SLC9A1: variants seen among roughly 807,000 people sequenced by gnomAD.
SLC9A1 encodes sodium/hydrogen exchanger 1.
In SLC9A1, 22 loss-of-function variants were observed where a neutral mutation model predicts 67.9. That is an observed-to-expected ratio of 0.32 (90% confidence interval 0.23 to 0.46). The LOEUF (loss-of-function observed/expected upper bound fraction) is 0.46, where lower values mean the gene tolerates loss of function less well. Among genes scored for constraint, SLC9A1 ranks in the 20% least tolerant of loss-of-function variants. SLC9A1 has a pLI of 1.00. For missense variants in SLC9A1, 686 were observed against 1,094.8 expected (o/e 0.63, Z 5.27); for synonymous variants, 421 against 471.8 (o/e 0.89, Z 1.40).
chr1:27,132,785 A>T (rs1379373129), intron 1 of SLC9A1, among the ~76,000 whole-genome samples: 1 of 152,184 alleles, frequency 6.6e-6, no homozygotes, highest in Non-Finnish European at 1.5e-5. Context: ...CCCTAGGCCA[A>T]CAGGGCACTT....
intron 1 of SLC9A1, among the ~76,000 whole-genome samples, chr1:27,148,354 C>T (rs907332772): frequency 3.9e-5 from 6 of 152,128 alleles, no homozygotes; most frequent in Non-Finnish European, 7.4e-5. Context: ...AGGCTCCAGA[C>T]CACCCAGACC....
At chr1:27,145,168 T>C (rs2083477431) in intron 1 of SLC9A1, among the ~76,000 whole-genome samples, 1 of 151,922 alleles carries the variant, frequency 6.6e-6, no homozygotes, top group Non-Finnish European at 1.5e-5. Context: ...AGCCTGCTTA[T>C]CTAATTCCTT....
In SLC9A1 at chr1:27,109,607, G is replaced by A. The variant is rs543829058; in HGVS notation, c.984C>T (p.Val328=). Residue 328 remains valine, a synonymous_variant, in exon 3 of 12, where the codon GTC becomes GTT. Transcript: ENST00000263980. This position sits in a 1 kb window ranked among gnomAD's most constrained non-coding sequence, Gnocchi z 5.5. ...AGAGGAAGACGAAGAGCGGCTCGAT[G>A]ACCCGGATGTGGGAGGTAAATCGGG... is the stretch of plus-strand genomic sequence containing the variant. ...FTSRFTSHIR[V]IEPLFVFLYS... The A allele has an allele frequency of 6.2e-7, 1 of 1,613,928 alleles. No homozygotes were observed. The highest frequency in any genetic ancestry group is 1.3e-5 in the African/African-American group (1 of 75,038).
intron 1 of SLC9A1, among the ~76,000 whole-genome samples, chr1:27,144,649 C>T (rs1483648715): frequency 2.0e-5 from 3 of 152,222 alleles, no homozygotes; most frequent in Admixed American, 6.5e-5. Flanking sequence ...AAGTCAATCA[C>T]ATATTCATTC....
chr1:27,118,135 G>C lies in SLC9A1; in HGVS notation c.353-3849C>G, dbSNP rs2083283673. On this transcript the variant is annotated intron_variant, in intron 1 of 11. Coordinates refer to ENST00000263980, the MANE Select transcript of SLC9A1 (RefSeq NM_003047.5). The surrounding 1 kb of genome is among the most constrained non-coding windows in gnomAD (Gnocchi z 4.3). The stretch of plus-strand genomic sequence containing the variant: ...CTTCAGCCAGCTCCAGAGTACCTGG[G>C]GCTGGAGCCATGTTCCTGGAGCTGG... Among the ~76,000 whole-genome samples, 2 of 152,172 alleles carry C rather than the reference G, an allele frequency of 1.3e-5. No homozygotes were observed. The highest frequency in any genetic ancestry group is 6.5e-5 in the Admixed American group (1 of 15,284).
chr1:27,107,606 C>G (rs1263936793), intron 4 of SLC9A1, 42 bp downstream of exon 4: 6 of 1,454,862 alleles, frequency 4.1e-6, no homozygotes, highest in South Asian at 1.2e-5. Context: ...CCACACACAC[C>G]CCACACCACA....
chr1:27,103,594 G>C (rs2083162972), intron 5 of SLC9A1: 1 of 481,568 alleles, frequency 2.1e-6, no homozygotes. Flanking sequence ...CCTGGGTTCA[G>C]ATGTGGACTG....
Position 27,109,026 on chromosome 1 carries a change from A to G in SLC9A1, c.1064+501T>C, listed in dbSNP as rs751444574. On this transcript the variant is annotated intron_variant, in intron 3 of 11. Transcript: ENST00000263980. The surrounding 1 kb of genome is among the most constrained non-coding windows in gnomAD (Gnocchi z 5.5). ...CCAGTTCTGCCTTGCTCGGCACTGG[A>G]ACACCTTCACCCCTCACTGCCTCCC... Among the ~76,000 whole-genome samples, 10 of 151,954 alleles carry G rather than the reference A, an allele frequency of 6.6e-5. No individual in the cohort carries two copies. The highest frequency in any genetic ancestry group is 1.2e-4 in the Non-Finnish European group (8 of 67,964).
At chr1:27,107,190 CCA>C (rs1193233144) in intron 4 of SLC9A1, among the ~76,000 whole-genome samples, 9 of 236 alleles carry the variant, frequency 0.038, no homozygotes, top group Non-Finnish European at 0.042. Flanking sequence ...CACAGCCCCT[CCA>C]CACACACACA....
rs1027739360 is a variant in SLC9A1, at chr1:27,099,977, A to G, written c.*330T>C. On this transcript the variant is annotated 3_prime_UTR_variant, in exon 12 of 12. Coordinates refer to ENST00000263980, the MANE Select transcript of SLC9A1 (RefSeq NM_003047.5). Reference sequence around the variant, plus strand: ...TTGGTTAGAAACTAAGATTGGTCTGAATGAGGAGGAGGATGAGGCAGAGGG... The same window carrying G: ...TTGGTTAGAAACTAAGATTGGTCTGGATGAGGAGGAGGATGAGGCAGAGGG... 1.3e-5 allele frequency: 4 copies of G among 314,296 alleles called. No homozygotes were observed. Among genetic ancestry groups the G allele is most frequent in the Non-Finnish European group, 2.3e-5 (4 of 171,146 alleles). The allele number at this position is 314,296 out of a possible 1,614,324, so 19.5% of individuals were successfully genotyped here. A position where few individuals can be genotyped will look rare whatever the true frequency, so the allele number is the denominator to read the frequency against.
intron 1 of SLC9A1, among the ~76,000 whole-genome samples, chr1:27,139,532 T>C (rs921256507): frequency 3.9e-5 from 6 of 152,310 alleles, no homozygotes; most frequent in South Asian, 2.1e-4. Context: ...AGGGTCTCAG[T>C]AAGTGGTAGG....
chr1:27,109,411 C>G lies in SLC9A1; in HGVS notation c.1064+116G>C. On this transcript the variant is annotated intron_variant, in intron 3 of 11. Coordinates refer to ENST00000263980, the MANE Select transcript of SLC9A1 (RefSeq NM_003047.5). The surrounding 1 kb of genome is among the most constrained non-coding windows in gnomAD (Gnocchi z 5.5). ...TGGAGCCTGGAGTTCATGTCTCATCCCTGGAGCTCAAGGCTGGGCCCTGGG... is the reference window on the plus strand; with the variant it reads ...TGGAGCCTGGAGTTCATGTCTCATCGCTGGAGCTCAAGGCTGGGCCCTGGG... 4 of 1,140,208 alleles carry G rather than the reference C, an allele frequency of 3.5e-6. No homozygotes were observed. Among genetic ancestry groups the G allele is most frequent in the Non-Finnish European group, 5.1e-6 (4 of 782,842 alleles). 70.6% of individuals were successfully genotyped at this position (1,140,208 alleles called of 1,614,324 possible). A position where few individuals can be genotyped will look rare whatever the true frequency, so the allele number is the denominator to read the frequency against.
At position 27,100,871 on chromosome 1, in the gene SLC9A1, C is replaced by G. The variant is rs948060686; in HGVS notation, c.2111-227G>C. The stretch of plus-strand genomic sequence containing the variant: ...GCTCCCAGAGGTGTCCCTCCACAGG[C>G]CAAGGCCTGGGGCTCCTCCCTGAGT... On this transcript the variant is annotated intron_variant, in intron 11 of 11. Coordinates refer to ENST00000263980, the MANE Select transcript of SLC9A1 (RefSeq NM_003047.5). This position sits in a 1 kb window ranked among gnomAD's most constrained non-coding sequence, Gnocchi z 5.6. 6.6e-6 allele frequency among the ~76,000 whole-genome samples: 1 copy of G among 152,246 alleles called. No individual in the cohort carries two copies. The highest frequency in any genetic ancestry group is 2.4e-5 in the African/African-American group (1 of 41,476).
chr1:27,114,022 C>A lies in SLC9A1; in HGVS notation c.617G>T (p.Gly206Val). ...GTLWNAFFLG[G>V]LMYAVCLVGG... ...CACCAGGCACACGGCGTACATGAGG[C>A]CGCCCAGGAAGAAGGCGTTCCACAG... Residue 206 changes from glycine to valine, a missense_variant, in exon 2 of 12, where the codon GGC becomes GTC. Coordinates refer to ENST00000263980, the MANE Select transcript of SLC9A1 (RefSeq NM_003047.5). The surrounding 1 kb of genome is among the most constrained non-coding windows in gnomAD (Gnocchi z 5.4). 1 of 1,614,124 alleles carries A rather than the reference C, an allele frequency of 6.2e-7. No homozygotes were observed. The highest frequency in any genetic ancestry group is 1.1e-5 in the South Asian group (1 of 91,088).
At chr1:27,131,947 A>ATATATATATAT in intron 1 of SLC9A1, among the ~76,000 whole-genome samples, 1 of 52,126 alleles carries the variant, frequency 1.9e-5, no homozygotes, top group South Asian at 6.2e-4. Context: ...AGAAAAAAAA[A>ATATATATATAT]ATATATATAT....
chr1:27,114,090 T>C lies in SLC9A1; in HGVS notation c.549A>G (p.Thr183=), dbSNP rs969452288. 1.7e-5 allele frequency: 28 copies of C among 1,614,072 alleles called. 1 individual carries two copies. Among genetic ancestry groups the C allele is most frequent in the Non-Finnish European group, 2.2e-5 (26 of 1,180,050 alleles). The change falls in exon 2 of 12, where the codon ACA becomes ACG. Residue 183 remains threonine (T), a synonymous_variant. Coordinates refer to ENST00000263980, the MANE Select transcript of SLC9A1 (RefSeq NM_003047.5). This position sits in a 1 kb window ranked among gnomAD's most constrained non-coding sequence, Gnocchi z 5.4. ...AGATCAGGATGGTGCCCAGGTTTTC[T>C]GTGAACTGCCGCAGTGGCAGGAAGT... ...AGYFLPLRQF[T]ENLGTILIFA...
intron 1 of SLC9A1, among the ~76,000 whole-genome samples, chr1:27,143,795 C>G (rs1194640833): frequency 6.6e-6 from 1 of 152,226 alleles, no homozygotes; most frequent in East Asian, 1.9e-4. Context: ...CAGCCTAGAG[C>G]TCGTTTCCTT....
intron 1 of SLC9A1, among the ~76,000 whole-genome samples, chr1:27,149,723 A>G (rs1437012643): frequency 1.3e-5 from 2 of 152,184 alleles, no homozygotes; most frequent in African/African-American, 2.4e-5. Context: ...GGTTCAGAGA[A>G]TGAGGTGCAT....
chr1:27,145,281 G>C (rs190018381), intron 1 of SLC9A1, among the ~76,000 whole-genome samples: 2 of 152,176 alleles, frequency 1.3e-5, no homozygotes, highest in African/African-American at 4.8e-5. Context: ...CTTTGCCTCT[G>C]CCAGGAGTCC....
Sources: gnomAD v4.1 joint callset for allele counts (sites outside exome capture counted in the v4.1 genomes callset) on GRCh38, gnomAD v4.1.1 for gene constraint, Gnocchi (gnomAD v3.1) non-coding constraint, MANE v1.5 for transcripts, NCBI Gene and HGNC (gene_info 2026-07-23, HGNC 2026-07-21) for gene names.